GJA3: variants seen among roughly 807,000 people sequenced by gnomAD.
GJA3 encodes gap junction alpha-3 protein.
For missense variants in GJA3, 571 were observed against 620.3 expected, an observed-to-expected ratio of 0.92 and a Z score of 0.84; for synonymous variants, 297 against 292.6, an observed-to-expected ratio of 1.02 and a Z score of -0.15.
intron 1 of GJA3, among the ~76,000 whole-genome samples, chr13:20,158,609 G>A (rs1170872940): frequency 1.3e-5 from 2 of 151,948 alleles, no homozygotes; most frequent in African/African-American, 4.8e-5. Flanking sequence ...ATGTACAGGA[G>A]TTTTAAAAAA....
chr13:20,148,560 G>A (rs1958857706), intron 1 of GJA3, among the ~76,000 whole-genome samples: 1 of 152,124 alleles, frequency 6.6e-6, no homozygotes, highest in South Asian at 2.1e-4. Context: ...CGCCCAGCCT[G>A]ATATCACTTT....
intron 1 of GJA3, among the ~76,000 whole-genome samples, chr13:20,147,962 C>A (rs774941564): frequency 4.6e-5 from 7 of 152,094 alleles, no homozygotes; most frequent in Non-Finnish European, 1.0e-4. Flanking sequence ...GCAGTTTCCC[C>A]AACAGACTCT....
At chr13:20,147,046 G>A (rs1219531332) in intron 1 of GJA3, among the ~76,000 whole-genome samples, 2 of 152,250 alleles carry the variant, frequency 1.3e-5, no homozygotes, top group African/African-American at 4.8e-5. Context: ...CCAGTGAGTT[G>A]TAAGATGTCT....
chr13:20,147,142 CAGTACAG>C (rs2141140455), intron 1 of GJA3, among the ~76,000 whole-genome samples: 1 of 152,334 alleles, frequency 6.6e-6, no homozygotes, highest in East Asian at 1.9e-4. Flanking sequence ...TTTCCACGTA[CAGTACAG>C]ATGTGATGCT....
In GJA3 at chr13:20,141,881, T is replaced by G; in HGVS notation, c.*100A>C. On this transcript the variant is annotated 3_prime_UTR_variant, in exon 2 of 2. Coordinates refer to ENST00000241125, the MANE Select transcript of GJA3 (RefSeq NM_021954.4). ...TGGGACTCCAGTCGCTCCCACCTCC[T>G]GGGACTTTCAGGTTCTATCTGCTGG... 6.6e-7 allele frequency: 1 copy of G among 1,509,718 alleles called. No homozygotes were observed. Among genetic ancestry groups the G allele is most frequent in the Non-Finnish European group, 8.9e-7 (1 of 1,120,372 alleles). The allele number at this position is 1,509,718 out of a possible 1,614,324, so 93.5% of individuals were successfully genotyped here.
At chr13:20,145,528 G>T (rs1353636843) in intron 1 of GJA3, among the ~76,000 whole-genome samples, 1 of 152,230 alleles carries the variant, frequency 6.6e-6, no homozygotes, top group Admixed American at 6.5e-5. Context: ...TCCTCCAAGT[G>T]TCCCTCTGGG....
chr13:20,160,149 G>C (rs1450744501), intron 1 of GJA3, among the ~76,000 whole-genome samples: 2 of 152,078 alleles, frequency 1.3e-5, no homozygotes, highest in Non-Finnish European at 2.9e-5. Flanking sequence ...CGGCAACAAA[G>C]CAAATGCAGC....
rs770949124 is a variant in GJA3, at chr13:20,143,226, G to T, written c.63C>A (p.Ile21=). The change falls in exon 2 of 2, where the codon ATC becomes ATA. Residue 21 remains isoleucine (I), a synonymous_variant. Coordinates refer to ENST00000241125, the MANE Select transcript of GJA3 (RefSeq NM_021954.4). ...LENAQEHSTV[I]GKVWLTVLFI... is the part of the protein sequence containing the mutation. Reference sequence around the variant, plus strand: ...ACAGCACGGTCAGCCAAACCTTGCCGATGACCGTGGAGTGCTCCTGTGCAT... The same window carrying T: ...ACAGCACGGTCAGCCAAACCTTGCCTATGACCGTGGAGTGCTCCTGTGCAT... The T allele has an allele frequency of 6.4e-7, 1 of 1,567,628 alleles. No individual in the cohort carries two copies. The highest frequency in any genetic ancestry group is 8.7e-7 in the Non-Finnish European group (1 of 1,154,900).
Position 20,150,067 on chromosome 13 carries a change from G to A in GJA3, c.-17-6762C>T, listed in dbSNP as rs924834208. On this transcript the variant is annotated intron_variant, in intron 1 of 1. Transcript: ENST00000241125. ...TCTGAAGACAAAAATAAAGCAGAAC[G>A]CAGCGTCTGACTAGAGTCAGGGAAT... is the stretch of plus-strand genomic sequence containing the variant. Among the ~76,000 whole-genome samples the A allele has an allele frequency of 5.3e-5, 8 of 152,174 alleles. 1 individual carries two copies. The highest frequency in any genetic ancestry group is 1.9e-4 in the East Asian group (1 of 5,198).
At chr13:20,155,826 G>A (rs1427047574) in intron 1 of GJA3, among the ~76,000 whole-genome samples, 1 of 151,922 alleles carries the variant, frequency 6.6e-6, no homozygotes, top group Non-Finnish European at 1.5e-5. Context: ...CAGTTTAAGA[G>A]TATCCTTGAT....
chr13:20,150,172 G>A (rs535021440), intron 1 of GJA3, among the ~76,000 whole-genome samples: 1 of 152,240 alleles, frequency 6.6e-6, no homozygotes, highest in Admixed American at 6.5e-5. Flanking sequence ...GTTGGGGCAA[G>A]TGCTGACCTG....
chr13:20,141,974 C>T lies in GJA3; in HGVS notation c.*7G>A. On this transcript the variant is annotated 3_prime_UTR_variant, in exon 2 of 2. Transcript: ENST00000241125. ...TACACAGCTGTCTGGAGGCAGGCAC[C>T]CGGGCACTAGATGGCCAAGTCCTCC... The T allele has an allele frequency of 6.5e-7, 1 of 1,550,226 alleles. No homozygotes were observed. Among genetic ancestry groups the T allele is most frequent in the Non-Finnish European group, 8.7e-7 (1 of 1,146,742 alleles).
At chr13:20,145,766 C>A (rs1410583314) in intron 1 of GJA3, among the ~76,000 whole-genome samples, 1 of 152,246 alleles carries the variant, frequency 6.6e-6, no homozygotes, top group Admixed American at 6.5e-5. Context: ...TACACAGTCC[C>A]CTCAGGGGTG....
Position 20,142,812 on chromosome 13 carries a change from G to T in GJA3, c.477C>A (p.Phe159Leu), listed in dbSNP as rs763980585. ...ACTGGCCGGCGATGAAGCCCACCTC[G>T]AACAGCGTCTTGAAGATGATGTTGA... ...YVFNIIFKTL[F>L]EVGFIAGQYF... Residue 159 changes from phenylalanine to leucine, a missense_variant, in exon 2 of 2, where the codon TTC (phenylalanine) becomes TTA (leucine). Coordinates refer to ENST00000241125, the MANE Select transcript of GJA3 (RefSeq NM_021954.4). The T allele has an allele frequency of 6.8e-6, 11 of 1,613,582 alleles. No homozygotes were observed. The Admixed American group carries it at 1.7e-4, about 24-fold the overall frequency.
At chr13:20,156,891 A>ATGC (rs1958909848) in intron 1 of GJA3, among the ~76,000 whole-genome samples, 2 of 152,202 alleles carry the variant, frequency 1.3e-5, no homozygotes, top group Non-Finnish European at 2.9e-5. Context: ...ATTAGAAACA[A>ATGC]CTGCCTGCCA....
intron 1 of GJA3, among the ~76,000 whole-genome samples, chr13:20,155,462 T>C (rs1022272048): frequency 1.3e-5 from 2 of 152,172 alleles, no homozygotes; most frequent in Non-Finnish European, 2.9e-5. Flanking sequence ...TCAAATTTGG[T>C]CACTTACATT....
chr13:20,140,195 T>C lies in GJA3; in HGVS notation c.*1786A>G, dbSNP rs1958799367. On this transcript the variant is annotated 3_prime_UTR_variant, in exon 2 of 2. Coordinates refer to ENST00000241125, the MANE Select transcript of GJA3 (RefSeq NM_021954.4). ...AAAGGGCTAATTTCTCTCTTGTCAA[T>C]CTGGTTGAGAAAGTCTCTGAGGAGA... 1 of 152,070 alleles carries C rather than the reference T, an allele frequency of 6.6e-6. No homozygotes were observed. The highest frequency in any genetic ancestry group is 1.5e-5 in the Non-Finnish European group (1 of 68,002). The allele number at this position is 152,070 out of a possible 1,614,324, so 9.4% of individuals were successfully genotyped here.
In GJA3 at chr13:20,139,381, A is replaced by G. The variant is rs1396181626; in HGVS notation, c.*2600T>C. 1 of 151,726 alleles carries G rather than the reference A, an allele frequency of 6.6e-6. No homozygotes were observed. Among genetic ancestry groups the G allele is most frequent in the African/African-American group, 2.4e-5 (1 of 41,292 alleles). The allele number at this position is 151,726 out of a possible 1,614,324, so 9.4% of individuals were successfully genotyped here. ...AGTTTCAGTGAAATTTCCAGGCTAGAAAAAAATAGGTCTGGAATCTTGCCC... is the reference window on the plus strand; with the variant it reads ...AGTTTCAGTGAAATTTCCAGGCTAGGAAAAAATAGGTCTGGAATCTTGCCC... On this transcript the variant is annotated 3_prime_UTR_variant, in exon 2 of 2. Coordinates refer to ENST00000241125, the MANE Select transcript of GJA3 (RefSeq NM_021954.4).
intron 1 of GJA3, among the ~76,000 whole-genome samples, chr13:20,145,463 C>T (rs530697804): frequency 6.6e-6 from 1 of 152,296 alleles, no homozygotes; most frequent in African/African-American, 2.4e-5. Flanking sequence ...CTTGAAACCA[C>T]CCAGTCACCC....
Sources: allele counts gnomAD v4.1 joint callset (sites outside exome capture counted in the v4.1 genomes callset), GRCh38; gene constraint gnomAD v4.1.1; transcripts MANE v1.5; gene names NCBI Gene and HGNC (gene_info 2026-07-23, HGNC 2026-07-21).